The following PACRGL variants were observed in gnomAD, a reference collection of about 807,000 sequenced individuals.
PACRGL encodes PACRG-like protein.
Under a neutral mutation model 34.5 loss-of-function variants are expected in PACRGL, and 38 were observed. The observed-to-expected ratio is 1.10, with a 90% CI of 0.85 to 1.44. PACRGL has a LOEUF of 1.44. Among genes scored for constraint, PACRGL ranks in the 40% most tolerant of loss-of-function variants. The pLI is 0.00. For missense variants in PACRGL, 305 were observed against 281.4 expected, an observed-to-expected ratio of 1.08 and a Z score of -0.60; for synonymous variants, 128 against 100.1, an observed-to-expected ratio of 1.28 and a Z score of -1.66.
chr4:20,729,402 C>CATATTATGGAAAATTAA lies in PACRGL; in HGVS notation c.*2064_*2080dup, dbSNP rs1235951230. 1.4e-4 allele frequency: 21 copies of CATATTATGGAAAATTAA among 152,218 alleles called. No homozygotes were observed. Among genetic ancestry groups the CATATTATGGAAAATTAA allele is most frequent in the Admixed American group, 1.1e-3 (16 of 15,220 alleles). 9.4% of individuals were successfully genotyped at this position (152,218 alleles called of 1,614,324 possible). On this transcript the variant is annotated 3_prime_UTR_variant, in exon 9 of 9. Transcript: ENST00000503585. The stretch of plus-strand genomic sequence containing the variant: ...ATTATTATATAGGCCTTGGCTGTAA[C>CATATTATGGAAAATTAA]ATATTATGGAAAATTAAATGCTTAT...
downstream of PACRGL, among the ~76,000 whole-genome samples, chr4:20,736,445 C>T (rs1749650328): frequency 6.6e-6 from 1 of 151,900 alleles, no homozygotes; most frequent in Non-Finnish European, 1.5e-5. Flanking sequence ...GTATGAAAGC[C>T]ATTGATTTCT....
chr4:20,759,289 A>T, the PACRGL span, among the ~76,000 whole-genome samples: 1 of 152,170 alleles, frequency 6.6e-6, no homozygotes, highest in Non-Finnish European at 1.5e-5. Flanking sequence ...AACTCACATA[A>T]TCTTCGATTC....
chr4:20,739,002 T>C (rs1465139215), intron 8 of PACRGL, among the ~76,000 whole-genome samples: 2 of 152,086 alleles, frequency 1.3e-5, no homozygotes, highest in African/African-American at 4.8e-5. Flanking sequence ...ATCACAGAAG[T>C]CCGAGATCGA....
the PACRGL span, among the ~76,000 whole-genome samples, chr4:20,762,657 C>T: frequency 6.6e-6 from 1 of 152,322 alleles, no homozygotes; most frequent in South Asian, 2.1e-4. Context: ...AAACAATGTG[C>T]TGTATTAGTT....
chr4:20,741,800 C>G (rs1340147014), intron 8 of PACRGL, among the ~76,000 whole-genome samples: 1 of 151,950 alleles, frequency 6.6e-6, no homozygotes. Context: ...TTGAAAAGAT[C>G]AACAAAATTG....
At chr4:20,734,768 C>A, downstream of PACRGL, 1 of 1,317,312 alleles carries the variant, frequency 7.6e-7, no homozygotes, top group Non-Finnish European at 1.1e-6. Flanking sequence ...TTTTATATGA[C>A]ATTTTTAAAA....
Position 20,731,867 on chromosome 4 carries a change from C to A in PACRGL, c.*4526C>A. On this transcript the variant is annotated 3_prime_UTR_variant, in exon 9 of 9. Transcript: ENST00000503585. ...TGGTGCTTGTTTTCAGAGTGGTAGGCTTATGCTGCATGTTGTAGAAGTGGT... is the reference window on the plus strand; with the variant it reads ...TGGTGCTTGTTTTCAGAGTGGTAGGATTATGCTGCATGTTGTAGAAGTGGT... The A allele has an allele frequency of 7.0e-7, 1 of 1,437,012 alleles. No homozygotes were observed. Among genetic ancestry groups the A allele is most frequent in the South Asian group, 1.5e-5 (1 of 65,174 alleles). The allele number at this position is 1,437,012 out of a possible 1,614,324, so 89.0% of individuals were successfully genotyped here.
downstream of PACRGL, among the ~76,000 whole-genome samples, chr4:20,733,964 G>A (rs1188965233): frequency 6.6e-6 from 1 of 152,068 alleles, no homozygotes; most frequent in Non-Finnish European, 1.5e-5. Context: ...GGGGCCTCTT[G>A]CTCAAAACTC....
In PACRGL at chr4:20,704,641, ATGT is replaced by A. The variant is rs763752268; in HGVS notation, c.53-17_53-15del. ...TATTGCTTGTACCTGGTTTCTATTGATGTTCTGTTTTTTTCCAGGTAACTATGA... is the reference window on the plus strand; with the variant it reads ...TATTGCTTGTACCTGGTTTCTATTGATCTGTTTTTTTCCAGGTAACTATGA... On this transcript the variant is annotated splice_polypyrimidine_tract_variant and intron_variant, in intron 2 of 8. Coordinates refer to ENST00000503585, the MANE Select transcript of PACRGL (RefSeq NM_001258345.3). 5 of 1,613,870 alleles carry A rather than the reference ATGT, an allele frequency of 3.1e-6. No individual in the cohort carries two copies. The highest frequency in any genetic ancestry group is 2.2e-5 in the South Asian group (2 of 91,066).
At position 20,709,711 on chromosome 4, in the gene PACRGL, T is replaced by C. The variant is rs757044080; in HGVS notation, c.304T>C (p.Leu102=). Residue 102 remains leucine, a synonymous_variant, in exon 5 of 9, where the codon TTA becomes CTA. Coordinates refer to ENST00000503585, the MANE Select transcript of PACRGL (RefSeq NM_001258345.3). ...GGTACATGGTTCAGTAAAACACAGA[T>C]TACAGTGGGAATGTCCTCCTGAAAG... ...RLVHGSVKHR[L]QWECPPESLS... is the part of the protein sequence containing the mutation. The C allele has an allele frequency of 1.9e-6, 3 of 1,609,644 alleles. No individual in the cohort carries two copies. The African/African-American group carries it at 4.0e-5, about 22-fold the overall frequency.
In PACRGL at chr4:20,727,265, C is replaced by T; in HGVS notation, c.691-20C>T. The T allele has an allele frequency of 6.3e-7, 1 of 1,596,280 alleles. No homozygotes were observed. Among genetic ancestry groups the T allele is most frequent in the South Asian group, 1.1e-5 (1 of 90,666 alleles). On this transcript the variant is annotated intron_variant, in intron 8 of 8. Coordinates refer to ENST00000503585, the MANE Select transcript of PACRGL (RefSeq NM_001258345.3). ...AACTCTGCATGATACTAATGATGCT[C>T]AATTTTTTTCTGTTGACAGGGGAGC...
At chr4:20,759,020 C>T in the PACRGL span, 4 of 651,920 alleles carry the variant, frequency 6.1e-6, no homozygotes, top group Non-Finnish European at 1.1e-5. Context: ...TCCATTATTA[C>T]AAAGGGAATA....
the PACRGL span, among the ~76,000 whole-genome samples, chr4:20,766,392 C>T: frequency 1.3e-5 from 2 of 152,000 alleles, no homozygotes; most frequent in African/African-American, 4.8e-5. Context: ...ATGGTGAAAC[C>T]CTGTCTGTAC....
chr4:20,730,144 C>T lies in PACRGL; in HGVS notation c.*2803C>T, dbSNP rs967043483. The T allele has an allele frequency of 1.9e-6, 3 of 1,597,536 alleles. No individual in the cohort carries two copies. The highest frequency in any genetic ancestry group is 2.6e-6 in the Non-Finnish European group (3 of 1,173,254). On this transcript the variant is annotated 3_prime_UTR_variant, in exon 9 of 9. Coordinates refer to ENST00000503585, the MANE Select transcript of PACRGL (RefSeq NM_001258345.3). Reference sequence around the variant, plus strand: ...ATGTTTTCATCCTGTAAGGGAGAAACACAGAGCGATTAAATTCAGCATATC... The same window carrying T: ...ATGTTTTCATCCTGTAAGGGAGAAATACAGAGCGATTAAATTCAGCATATC...
chr4:20,730,278 C>CATTCT lies in PACRGL; in HGVS notation c.*2945_*2949dup. On this transcript the variant is annotated 3_prime_UTR_variant, in exon 9 of 9. Coordinates refer to ENST00000503585, the MANE Select transcript of PACRGL (RefSeq NM_001258345.3). ...ATTAAGTGTTTGCAAATGTAAATGC[C>CATTCT]ATTCTATTCTATCCATTTTCCACAT... The CATTCT allele has an allele frequency of 1.0e-6, 1 of 998,116 alleles. No individual in the cohort carries two copies. Among genetic ancestry groups the CATTCT allele is most frequent in the Non-Finnish European group, 1.4e-6 (1 of 724,570 alleles). 61.8% of individuals were successfully genotyped at this position (998,116 alleles called of 1,614,324 possible).
At chr4:20,756,090 A>C (rs1197063536), downstream of PACRGL, among the ~76,000 whole-genome samples, 1 of 152,110 alleles carries the variant, frequency 6.6e-6, no homozygotes, top group Non-Finnish European at 1.5e-5. Context: ...GGGAGGGGTC[A>C]TCAGAATCAG....
chr4:20,731,907 G>C lies in PACRGL; in HGVS notation c.*4566G>C, dbSNP rs1748351786. ...GTAGAAGTGGTAAACTTAGGCATAT[G>C]ATCTCTATATTTCGCCCAGTTCATG... is the stretch of plus-strand genomic sequence containing the variant. On this transcript the variant is annotated 3_prime_UTR_variant, in exon 9 of 9. Coordinates refer to ENST00000503585, the MANE Select transcript of PACRGL (RefSeq NM_001258345.3). The C allele has an allele frequency of 6.5e-7, 1 of 1,531,606 alleles. No individual in the cohort carries two copies. Among genetic ancestry groups the C allele is most frequent in the Non-Finnish European group, 8.8e-7 (1 of 1,138,504 alleles). The allele number at this position is 1,531,606 out of a possible 1,614,324, so 94.9% of individuals were successfully genotyped here. A position where few individuals can be genotyped will look rare whatever the true frequency, so the allele number is the denominator to read the frequency against.
At chr4:20,715,975 TTA>T in intron 7 of PACRGL, 1 of 768,920 alleles carries the variant, frequency 1.3e-6, no homozygotes, top group Non-Finnish European at 2.0e-6. Flanking sequence ...TCTTGTGTAA[TTA>T]TATGTTACCA....
rs1467709973 is a variant in PACRGL, at chr4:20,702,240, T to C, written c.-17+1453T>C. 3 of 456,322 alleles carry C rather than the reference T, an allele frequency of 6.6e-6. 1 individual carries two copies. The highest frequency in any genetic ancestry group is 3.1e-5 in the South Asian group (2 of 64,446). The allele number at this position is 456,322 out of a possible 1,614,324, so 28.3% of individuals were successfully genotyped here. A position where few individuals can be genotyped will look rare whatever the true frequency, so the allele number is the denominator to read the frequency against. On this transcript the variant is annotated intron_variant, in intron 1 of 8. Coordinates refer to ENST00000503585, the MANE Select transcript of PACRGL (RefSeq NM_001258345.3). ...TGAATTGGTAGGTAGTATTGAAAAATGTGCATCATAATTTGATATGGCTGC... is the reference window on the plus strand; with the variant it reads ...TGAATTGGTAGGTAGTATTGAAAAACGTGCATCATAATTTGATATGGCTGC...
Sources: allele counts gnomAD v4.1 joint callset (sites outside exome capture counted in the v4.1 genomes callset), GRCh38; gene constraint gnomAD v4.1.1; transcripts MANE v1.5; gene names NCBI Gene and HGNC (gene_info 2026-07-23, HGNC 2026-07-21).